The following HDAC4 variants were observed in gnomAD, a reference collection of about 807,000 sequenced individuals.
HDAC4 encodes histone deacetylase A.
Under a neutral mutation model 135.1 loss-of-function variants are expected in HDAC4, and 16 were observed. The ratio of observed to expected loss-of-function variants is 0.12; its 90% CI spans 0.08 to 0.18. The LOEUF (loss-of-function observed/expected upper bound fraction) is 0.18, where lower values mean the gene tolerates loss of function less well. Among genes scored for constraint, HDAC4 ranks in the 10% least tolerant of loss-of-function variants. HDAC4 has a pLI of 1.00. For synonymous variants in HDAC4, 685 were observed against 653.4 expected (o/e 1.05, Z -0.74); for missense variants, 1,143 against 1,511.8 (o/e 0.76, Z 4.05).
At chr2:239,367,367 G>T (rs567335793) in intron 1 of HDAC4, among the ~76,000 whole-genome samples, 1 of 152,186 alleles carries the variant, frequency 6.6e-6, no homozygotes, top group African/African-American at 2.4e-5. Flanking sequence ...TTTACCGAAC[G>T]GTTATTTTTT....
intron 2 of HDAC4, among the ~76,000 whole-genome samples, chr2:239,295,828 A>G (rs2051854679): frequency 6.6e-6 from 1 of 152,222 alleles, no homozygotes; most frequent in Admixed American, 6.5e-5. Context: ...GTTCTAGGGC[A>G]GCTGTCTCTC....
chr2:239,085,632 G>T (rs2035856921), intron 19 of HDAC4, among the ~76,000 whole-genome samples: 1 of 152,260 alleles, frequency 6.6e-6, no homozygotes, highest in South Asian at 2.1e-4. Context: ...GTTCTGGGAT[G>T]TGGAGCAAAC....
intron 2 of HDAC4, among the ~76,000 whole-genome samples, chr2:239,283,331 G>A (rs759314314): frequency 2.6e-5 from 4 of 152,218 alleles, no homozygotes; most frequent in Admixed American, 1.3e-4. Flanking sequence ...AGGGGCTCCC[G>A]GCAGCAGAAG....
intron 3 of HDAC4, among the ~76,000 whole-genome samples, chr2:239,234,138 C>T (rs1040087755): frequency 5.3e-5 from 8 of 152,186 alleles, no homozygotes; most frequent in Non-Finnish European, 1.0e-4. Flanking sequence ...ACATTAGAGG[C>T]TTCTAAGGCA....
intron 18 of HDAC4, among the ~76,000 whole-genome samples, chr2:239,088,473 T>C (rs1049016864): frequency 2.6e-5 from 4 of 152,250 alleles, no homozygotes; most frequent in Admixed American, 6.5e-5. Flanking sequence ...CTTCCGAGTG[T>C]AGGCTGCAGA....
chr2:239,273,842 C>T (rs143605376), intron 2 of HDAC4, among the ~76,000 whole-genome samples: 10 of 152,328 alleles, frequency 6.6e-5, no homozygotes, highest in Non-Finnish European at 1.2e-4. Context: ...TTAGAACCCA[C>T]GAACCTTACT....
intron 1 of HDAC4, among the ~76,000 whole-genome samples, chr2:239,395,985 TG>T (rs536151754): frequency 3.3e-5 from 5 of 152,216 alleles, no homozygotes; most frequent in African/African-American, 4.8e-5. Flanking sequence ...TAAACTTTTT[TG>T]GGGGGGACAG....
intron 20 of HDAC4, among the ~76,000 whole-genome samples, chr2:239,082,477 A>G (rs1489165313): frequency 1.3e-5 from 2 of 152,236 alleles, no homozygotes; most frequent in Non-Finnish European, 2.9e-5. Flanking sequence ...CCTTAGCGCC[A>G]TGGCACAATC....
At chr2:239,329,673 G>A (rs1055700431) in intron 2 of HDAC4, among the ~76,000 whole-genome samples, 2 of 152,176 alleles carry the variant, frequency 1.3e-5, no homozygotes, top group Non-Finnish European at 2.9e-5. Context: ...AAAAGGGCAT[G>A]AGTCTGACAA....
chr2:239,295,224 G>A (rs1002834182), intron 2 of HDAC4, among the ~76,000 whole-genome samples: 17 of 145,356 alleles, frequency 1.2e-4, no homozygotes, highest in African/African-American at 3.5e-4. Context: ...GGAGAATGGC[G>A]TGAACCCGGG....
chr2:239,134,168 G>T, intron 11 of HDAC4, 77 bp downstream of exon 11: 2 of 1,188,718 alleles, frequency 1.7e-6, no homozygotes, highest in Non-Finnish European at 2.5e-6. Context: ...CTCCTCCAAA[G>T]GCAGGCGAAG....
intron 3 of HDAC4, among the ~76,000 whole-genome samples, chr2:239,224,823 C>T (rs1486845466): frequency 1.3e-5 from 2 of 152,262 alleles, no homozygotes; most frequent in East Asian, 3.8e-4. Context: ...TGACTGCTCA[C>T]TCTCCTCCAC....
intron 1 of HDAC4, among the ~76,000 whole-genome samples, chr2:239,367,285 C>T (rs368370637): frequency 3.9e-5 from 6 of 152,090 alleles, no homozygotes; most frequent in Admixed American, 3.9e-4. Flanking sequence ...GAAATACTGT[C>T]GCCATTAAGC....
chr2:239,314,573 G>A (rs1457095282), intron 2 of HDAC4, among the ~76,000 whole-genome samples: 1 of 152,204 alleles, frequency 6.6e-6, no homozygotes, highest in East Asian at 1.9e-4. Flanking sequence ...GGATCTGAAT[G>A]ATCCAAATGG....
chr2:239,140,552 A>C (rs1229465052), intron 8 of HDAC4, among the ~76,000 whole-genome samples: 1 of 152,216 alleles, frequency 6.6e-6, no homozygotes, highest in African/African-American at 2.4e-5. Context: ...TCATATGTTT[A>C]GTTTAACGGC....
At chr2:239,353,170 G>T (rs1575738134) in intron 1 of HDAC4, among the ~76,000 whole-genome samples, 1 of 152,072 alleles carries the variant, frequency 6.6e-6, no homozygotes, top group East Asian at 1.9e-4. Context: ...CATGCCACCA[G>T]GCACAGCTAA....
chr2:239,144,756 C>T (rs2041638552), intron 7 of HDAC4, 42 bp from the exon 8 acceptor site: 2 of 1,609,972 alleles, frequency 1.2e-6, no homozygotes, highest in Non-Finnish European at 1.7e-6. Context: ...GCAGACACCA[C>T]TGGCTCAAGG....
rs751716670 is a variant in HDAC4 at position 239,068,605 on chromosome 2, G to A, written c.2753C>T (p.Thr918Met). 32 of 1,613,174 alleles carry A rather than the reference G, an allele frequency of 2.0e-5. No homozygotes were observed. The highest frequency in any genetic ancestry group is 1.3e-4 in the East Asian group (6 of 44,874). The change falls in exon 23 of 27, where the codon ACG becomes ATG. Residue 918 changes from threonine to methionine, a missense_variant and splice_region_variant. Thr to Met is a moderately conservative substitution (Grantham distance 81, BLOSUM62 -1). Coordinates refer to ENST00000543185, the MANE Select transcript of HDAC4 (RefSeq NM_001378414.1). The surrounding 1 kb of genome is among the most constrained non-coding windows in gnomAD (Gnocchi z 4.4). ...GDAEYLAAFR[T>M]VVMPIASEFA... ...CTCGCTGGCGATCGGCATGACCACC[G>A]TTCTGCAAAGGACAGGAGAAGGCGT...
intron 2 of HDAC4, among the ~76,000 whole-genome samples, chr2:239,332,008 A>C (rs534306205): frequency 7.2e-5 from 11 of 152,364 alleles, no homozygotes; most frequent in Non-Finnish European, 1.5e-4. Flanking sequence ...GACATTTCAC[A>C]GTAACAAAAA....
Sources: allele counts gnomAD v4.1 joint callset (sites outside exome capture counted in the v4.1 genomes callset), GRCh38; gene constraint gnomAD v4.1.1; non-coding constraint Gnocchi (gnomAD v3.1); transcripts MANE v1.5; gene names NCBI Gene and HGNC (gene_info 2026-07-23, HGNC 2026-07-21).